Variants in MAML3 observed in about 807,000 individuals in gnomAD.
MAML3 encodes the protein mastermind-like protein 3.
In MAML3, 27 loss-of-function variants were observed where a neutral mutation model predicts 101.9. That is an observed-to-expected ratio of 0.27 (90% CI 0.20 to 0.37). The LOEUF (loss-of-function observed/expected upper bound fraction) is 0.37, where lower values mean the gene tolerates loss of function less well. Ranked by LOEUF, MAML3 falls within the 10% of genes least tolerant of loss-of-function variation. The pLI is 1.00. For synonymous variants in MAML3, 501 were observed against 555.9 expected (o/e 0.90, Z 1.39); for missense variants, 1,316 against 1,444.9 (o/e 0.91, Z 1.45).
intron 1 of MAML3, among the ~76,000 whole-genome samples, chr4:140,043,404 G>A (rs1021826780): frequency 1.3e-5 from 2 of 152,094 alleles, no homozygotes; most frequent in Non-Finnish European, 1.5e-5. Flanking sequence ...TAGGAATGCC[G>A]AGAAACAGGC....
intron 1 of MAML3, among the ~76,000 whole-genome samples, chr4:139,943,194 A>G (rs1040448098): frequency 1.3e-5 from 2 of 152,232 alleles, no homozygotes; most frequent in African/African-American, 4.8e-5. Flanking sequence ...CAGTTTGAAG[A>G]AGAGAATGCT....
At chr4:140,072,867 T>G (rs898816907) in intron 1 of MAML3, among the ~76,000 whole-genome samples, 5 of 152,142 alleles carry the variant, frequency 3.3e-5, no homozygotes, top group Non-Finnish European at 7.3e-5. Flanking sequence ...GAGGATACGC[T>G]GCATGAAGTT....
At chr4:140,017,667 G>GAA (rs201980597) in intron 1 of MAML3, among the ~76,000 whole-genome samples, 2 of 150,936 alleles carry the variant, frequency 1.3e-5, no homozygotes, top group African/African-American at 2.4e-5. Flanking sequence ...CTGAGCAGGC[G>GAA]AAAAAAAGAA....
At chr4:139,912,421 G>A (rs1001236199) in intron 1 of MAML3, among the ~76,000 whole-genome samples, 13 of 152,320 alleles carry the variant, frequency 8.5e-5, no homozygotes, top group Admixed American at 6.5e-4. Flanking sequence ...CAGCTAGTCC[G>A]TTACAGGAAA....
intron 1 of MAML3, among the ~76,000 whole-genome samples, chr4:140,129,625 A>C (rs1728751630): frequency 6.6e-6 from 1 of 152,172 alleles, no homozygotes; most frequent in Non-Finnish European, 1.5e-5. Context: ...GCTGCTGCGC[A>C]ATCCATACAG....
At chr4:140,094,591 C>T (rs1578681761) in intron 1 of MAML3, among the ~76,000 whole-genome samples, 1 of 152,312 alleles carries the variant, frequency 6.6e-6, no homozygotes, top group Non-Finnish European at 1.5e-5. Context: ...CACCCTGACC[C>T]ATCTCTGATG....
chr4:140,001,491 G>A (rs1734923505), intron 1 of MAML3, among the ~76,000 whole-genome samples: 1 of 152,204 alleles, frequency 6.6e-6, no homozygotes, highest in South Asian at 2.1e-4. Flanking sequence ...GGTCGGCACA[G>A]AGCTGTGTTT....
intron 1 of MAML3, among the ~76,000 whole-genome samples, chr4:140,093,496 A>G (rs1248453460): frequency 6.7e-6 from 1 of 148,906 alleles, no homozygotes; most frequent in African/African-American, 2.5e-5. Flanking sequence ...GGCTCACTGC[A>G]ATCTCTGCCT....
chr4:139,892,353 A>G (rs767357320), intron 1 of MAML3, among the ~76,000 whole-genome samples: 3 of 152,036 alleles, frequency 2.0e-5, no homozygotes, highest in Non-Finnish European at 2.9e-5. Context: ...TTTTTCTTGA[A>G]ACCTCCCACG....
At chr4:139,977,926 T>C (rs1734376624) in intron 1 of MAML3, among the ~76,000 whole-genome samples, 1 of 151,866 alleles carries the variant, frequency 6.6e-6, no homozygotes, top group African/African-American at 2.4e-5. Flanking sequence ...TCTTCTATGC[T>C]CTTTTCTGTT....
chr4:139,752,694 C>T (rs1336997894), intron 2 of MAML3, among the ~76,000 whole-genome samples: 2 of 152,036 alleles, frequency 1.3e-5, no homozygotes, highest in Non-Finnish European at 2.9e-5. Context: ...CCCGAGAGAG[C>T]ATGTGTACAG....
intron 1 of MAML3, among the ~76,000 whole-genome samples, chr4:139,913,237 T>G (rs1328900541): frequency 6.6e-6 from 1 of 152,168 alleles, no homozygotes; most frequent in Non-Finnish European, 1.5e-5. Context: ...GGCAGAAATA[T>G]GTGGAGTAGA....
intron 1 of MAML3, among the ~76,000 whole-genome samples, chr4:140,003,891 A>C (rs1315829154): frequency 6.6e-6 from 1 of 152,222 alleles, no homozygotes; most frequent in Non-Finnish European, 1.5e-5. Context: ...AGTTCCCACA[A>C]GGAAAGTTTC....
intron 1 of MAML3, among the ~76,000 whole-genome samples, chr4:139,954,116 C>G (rs1311815378): frequency 2.0e-5 from 3 of 152,188 alleles, no homozygotes; most frequent in African/African-American, 7.2e-5. Flanking sequence ...CTCATTTGTC[C>G]ATGTGTCCTC....
chr4:139,997,086 A>C (rs1198274032), intron 1 of MAML3, among the ~76,000 whole-genome samples: 1 of 143,796 alleles, frequency 7.0e-6, no homozygotes, highest in Non-Finnish European at 1.5e-5. Context: ...AATAAAATAA[A>C]ATAAATTTTT....
intron 1 of MAML3, among the ~76,000 whole-genome samples, chr4:139,986,087 G>A (rs1467016223): frequency 6.6e-6 from 1 of 152,226 alleles, no homozygotes; most frequent in African/African-American, 2.4e-5. Context: ...ATAAGCAGAA[G>A]AGCAGACCAG....
intron 1 of MAML3, among the ~76,000 whole-genome samples, chr4:140,067,897 C>G (rs1232577419): frequency 6.6e-6 from 1 of 152,076 alleles, no homozygotes; most frequent in Non-Finnish European, 1.5e-5. Flanking sequence ...CCACGCCCGG[C>G]TAATTTTGTA....
At chr4:139,797,345 GAGGC>G (rs1230898306) in intron 2 of MAML3, among the ~76,000 whole-genome samples, 1 of 152,220 alleles carries the variant, frequency 6.6e-6, no homozygotes, top group African/African-American at 2.4e-5. Flanking sequence ...AGTAAGGTGA[GAGGC>G]CACAGTTAGG....
chr4:140,022,140 G>C (rs564369404), intron 1 of MAML3, among the ~76,000 whole-genome samples: 8 of 152,182 alleles, frequency 5.3e-5, no homozygotes, highest in Non-Finnish European at 1.0e-4. Flanking sequence ...GCATGAGAGA[G>C]GAGGACCTGT....
Sources: gnomAD v4.1 joint callset for allele counts (sites outside exome capture counted in the v4.1 genomes callset) on GRCh38, gnomAD v4.1.1 for gene constraint, MANE v1.5 for transcripts, NCBI Gene and HGNC (gene_info 2026-07-23, HGNC 2026-07-21) for gene names.